Variants in SNTG1 observed in about 807,000 individuals in gnomAD.
SNTG1 encodes the protein syntrophin gamma 1.
SNTG1 carries 39 observed loss-of-function variants against 74.7 expected under a neutral mutation model. The observed-to-expected ratio is 0.52, with a 90% confidence interval of 0.40 to 0.68. The LOEUF is 0.68. SNTG1 is among the 30% of genes least tolerant of loss of function. SNTG1 has a pLI of 0.00. For missense variants in SNTG1, 685 were observed against 609.5 expected (o/e 1.12, Z -1.30); for synonymous variants, 254 against 217.1 (o/e 1.17, Z -1.49).
chr8:50,602,196 T>A (rs752845791), intron 13 of SNTG1, among the ~76,000 whole-genome samples: 1 of 152,126 alleles, frequency 6.6e-6, no homozygotes, highest in Non-Finnish European at 1.5e-5. Context: ...TCATTCTTAT[T>A]TCCTTTCATC....
At chr8:50,199,499 G>C (rs923301098) in intron 2 of SNTG1, among the ~76,000 whole-genome samples, 3 of 152,132 alleles carry the variant, frequency 2.0e-5, no homozygotes, top group Non-Finnish European at 4.4e-5. Flanking sequence ...TTATAAGTGT[G>C]AGCCACTGCG....
At chr8:50,650,353 T>C (rs1351963676) in intron 13 of SNTG1, among the ~76,000 whole-genome samples, 3 of 152,204 alleles carry the variant, frequency 2.0e-5, no homozygotes, top group East Asian at 3.9e-4. Flanking sequence ...TAAAGAATGA[T>C]TTAAATGTAA....
chr8:50,254,700 G>T (rs986124148), intron 2 of SNTG1, among the ~76,000 whole-genome samples: 2 of 151,958 alleles, frequency 1.3e-5, no homozygotes, highest in African/African-American at 4.8e-5. Flanking sequence ...ACAAAAATTA[G>T]CCGGGCGTGG....
chr8:50,245,370 G>A (rs77222810), intron 2 of SNTG1, among the ~76,000 whole-genome samples: 1 of 152,048 alleles, frequency 6.6e-6, no homozygotes, highest in Non-Finnish European at 1.5e-5. Context: ...TATGGAGGGA[G>A]GAGCAGAAAC....
At chr8:50,448,026 A>G (rs1050245467) in intron 5 of SNTG1, among the ~76,000 whole-genome samples, 5 of 152,166 alleles carry the variant, frequency 3.3e-5, no homozygotes, top group Non-Finnish European at 5.9e-5. Context: ...TCAGCCACAA[A>G]TCACTATCTC....
chr8:49,930,593 T>A (rs1485517802), intron 1 of SNTG1, among the ~76,000 whole-genome samples: 2 of 152,114 alleles, frequency 1.3e-5, no homozygotes, highest in East Asian at 1.9e-4. Context: ...GAAACCATCA[T>A]TCTTTATTTA....
At chr8:50,185,760 T>A (rs947140007) in intron 2 of SNTG1, among the ~76,000 whole-genome samples, 1 of 152,138 alleles carries the variant, frequency 6.6e-6, no homozygotes. Flanking sequence ...TAATGTACAT[T>A]TCTATGAATT....
At chr8:50,515,229 T>G (rs1168013494) in intron 9 of SNTG1, among the ~76,000 whole-genome samples, 1 of 151,774 alleles carries the variant, frequency 6.6e-6, no homozygotes, top group African/African-American at 2.4e-5. Flanking sequence ...CACAAATTAT[T>G]TGGCTTCTTG....
At position 50,796,384 on chromosome 8, in the gene SNTG1, T is replaced by C. The variant is rs530292000; in HGVS notation, c.*3555T>C. Reference sequence around the variant, plus strand: ...TCTAAAATTGTTCTTTATTGTTTATTCTTACTACCGAATACTTTAAAATCA... The same window carrying C: ...TCTAAAATTGTTCTTTATTGTTTATCCTTACTACCGAATACTTTAAAATCA... On this transcript the variant is annotated 3_prime_UTR_variant, in exon 19 of 19. Coordinates refer to ENST00000642720, the MANE Select transcript of SNTG1 (RefSeq NM_018967.5). 39 of 152,132 alleles carry C rather than the reference T, an allele frequency of 2.6e-4. No individual in the cohort carries two copies. The highest frequency in any genetic ancestry group is 4.6e-4 in the Admixed American group (7 of 15,250). 9.4% of individuals were successfully genotyped at this position (152,132 alleles called of 1,614,324 possible). A position where few individuals can be genotyped will look rare whatever the true frequency, so the allele number is the denominator to read the frequency against.
In SNTG1 at chr8:50,784,511, G is replaced by A. The variant is rs981568617; in HGVS notation, c.1396-8160G>A. 3.9e-5 allele frequency among the ~76,000 whole-genome samples: 6 copies of A among 152,136 alleles called. No homozygotes were observed. The East Asian group carries it at 1.2e-3, about 29-fold the overall frequency. On this transcript the variant is annotated intron_variant, in intron 18 of 18. Transcript: ENST00000642720. The stretch of plus-strand genomic sequence containing the variant: ...AGATATAACAATTATAAGCATATTT[G>A]ATGATAACAGAGCTCCAAAAGGTAT...
chr8:50,704,234 A>G (rs1448318776), intron 15 of SNTG1, among the ~76,000 whole-genome samples: 1 of 152,206 alleles, frequency 6.6e-6, no homozygotes, highest in Non-Finnish European at 1.5e-5. Context: ...ACATGTTCAC[A>G]AGCATTATTT....
chr8:50,089,533 CTACAAT>C, intron 1 of SNTG1, among the ~76,000 whole-genome samples: 1 of 152,146 alleles, frequency 6.6e-6, no homozygotes, highest in South Asian at 2.1e-4. Flanking sequence ...TATCCAGAAT[CTACAAT>C]GAACTCAAAC....
At chr8:50,517,988 AT>A (rs1162456376) in intron 9 of SNTG1, among the ~76,000 whole-genome samples, 6 of 152,140 alleles carry the variant, frequency 3.9e-5, no homozygotes, top group African/African-American at 1.4e-4. Flanking sequence ...TCCACCCCAA[AT>A]CAACAGAATA....
At chr8:50,522,556 A>G (rs2094188094) in intron 9 of SNTG1, among the ~76,000 whole-genome samples, 1 of 151,308 alleles carries the variant, frequency 6.6e-6, no homozygotes, top group South Asian at 2.1e-4. Context: ...GAAGCTTGGA[A>G]GGCAGACATT....
At chr8:50,439,513 G>C (rs2093338021) in intron 5 of SNTG1, among the ~76,000 whole-genome samples, 1 of 151,962 alleles carries the variant, frequency 6.6e-6, no homozygotes, top group South Asian at 2.1e-4. Context: ...GTATGCAATA[G>C]CGTTGTATTG....
chr8:50,205,468 A>T (rs959684034), intron 2 of SNTG1, among the ~76,000 whole-genome samples: 1 of 152,170 alleles, frequency 6.6e-6, no homozygotes, highest in Non-Finnish European at 1.5e-5. Flanking sequence ...GATTCCAGAT[A>T]TTAGACCTTT....
At chr8:50,615,734 C>T (rs907752194) in intron 13 of SNTG1, among the ~76,000 whole-genome samples, 11 of 152,088 alleles carry the variant, frequency 7.2e-5, no homozygotes, top group South Asian at 6.2e-4. Context: ...ATGTTAAATA[C>T]GTAACTGAAA....
chr8:50,108,531 A>C (rs1307822695), intron 1 of SNTG1, among the ~76,000 whole-genome samples: 3 of 152,214 alleles, frequency 2.0e-5, no homozygotes, highest in Non-Finnish European at 4.4e-5. Flanking sequence ...ACAAAAAGCA[A>C]GATTTATTTT....
chr8:50,469,635 T>TC (rs1260326380), intron 8 of SNTG1, among the ~76,000 whole-genome samples: 1 of 152,136 alleles, frequency 6.6e-6, no homozygotes, highest in Non-Finnish European at 1.5e-5. Context: ...TGCATTTTTC[T>TC]CCCCTGATCT....
Sources: allele counts gnomAD v4.1 joint callset (sites outside exome capture counted in the v4.1 genomes callset), GRCh38; gene constraint gnomAD v4.1.1; transcripts MANE v1.5; gene names NCBI Gene and HGNC (gene_info 2026-07-23, HGNC 2026-07-21).